The following CTTNBP2NL variants were observed in gnomAD, a reference collection of about 807,000 sequenced individuals.
CTTNBP2NL encodes the protein CTTNBP2 N-terminal-like protein.
In CTTNBP2NL, 16 loss-of-function variants were observed where a neutral mutation model predicts 32.5. That is an observed-to-expected ratio of 0.49 (90% CI 0.33 to 0.75). CTTNBP2NL has a LOEUF of 0.75. Among genes scored for constraint, CTTNBP2NL ranks in the 30% least tolerant of loss-of-function variants. The pLI is 0.02. For missense variants in CTTNBP2NL, 645 were observed against 756.0 expected, an observed-to-expected ratio of 0.85 and a Z score of 1.72; for synonymous variants, 298 against 289.4, an observed-to-expected ratio of 1.03 and a Z score of -0.30.
intron 1 of CTTNBP2NL, among the ~76,000 whole-genome samples, chr1:112,409,699 T>C (rs1257160560): frequency 6.6e-6 from 1 of 152,132 alleles, no homozygotes; most frequent in Non-Finnish European, 1.5e-5. Context: ...CTCTATATGG[T>C]AAAATGGCAG....
chr1:112,420,018 CTTTA>C (rs1310026187), intron 3 of CTTNBP2NL, among the ~76,000 whole-genome samples: 1 of 152,084 alleles, frequency 6.6e-6, no homozygotes, highest in Non-Finnish European at 1.5e-5. Context: ...GGGAGCAGAA[CTTTA>C]TTTAGGTTAC....
chr1:112,445,337 C>T (rs776037283), intron 3 of CTTNBP2NL, among the ~76,000 whole-genome samples: 1 of 152,174 alleles, frequency 6.6e-6, no homozygotes, highest in East Asian at 1.9e-4. Flanking sequence ...ATCATCATTA[C>T]ACACCCCCAT....
intron 3 of CTTNBP2NL, among the ~76,000 whole-genome samples, chr1:112,435,880 A>C (rs1312742781): frequency 6.6e-6 from 1 of 152,206 alleles, no homozygotes; most frequent in Non-Finnish European, 1.5e-5. Context: ...AGTATCAGAT[A>C]AAATAGTTCA....
intron 3 of CTTNBP2NL, among the ~76,000 whole-genome samples, chr1:112,431,976 G>A (rs939601030): frequency 9.9e-5 from 15 of 151,318 alleles, no homozygotes; most frequent in Admixed American, 3.9e-4. Context: ...AAATGGTCTG[G>A]AAGGATACCT....
At position 112,398,718 on chromosome 1, in the gene CTTNBP2NL, G is replaced by T. The variant is rs1648402991; in HGVS notation, c.-134+2446G>T. On this transcript the variant is annotated intron_variant, in intron 1 of 5. Coordinates refer to ENST00000271277, the MANE Select transcript of CTTNBP2NL (RefSeq NM_018704.3). ...CCTTGCTACTTGGGAGGCTGAGGCA[G>T]GAGGCTTGCTTGAGCCCAGGTGTTT... Among the ~76,000 whole-genome samples the T allele has an allele frequency of 2.0e-5, 3 of 151,470 alleles. No individual in the cohort carries two copies. The South Asian group carries it at 6.3e-4, about 32-fold the overall frequency.
At chr1:112,435,142 C>CAA (rs5777114) in intron 3 of CTTNBP2NL, among the ~76,000 whole-genome samples, 16,149 of 85,360 alleles carry the variant, frequency 0.19, 2,124 homozygotes, top group East Asian at 0.52. Flanking sequence ...GACTCTGTCT[C>CAA]AAAAAAAAAA....
chr1:112,440,904 C>T (rs1400358089), intron 3 of CTTNBP2NL, among the ~76,000 whole-genome samples: 2 of 127,260 alleles, frequency 1.6e-5, no homozygotes, highest in Admixed American at 8.4e-5. Context: ...GTGTTAACGT[C>T]TCTGTTGTTT....
Position 112,456,026 on chromosome 1 carries a change from C to T in CTTNBP2NL, c.534C>T (p.Leu178=), listed in dbSNP as rs1217804693. The part of the protein sequence containing the change: ...LEEERSRHKQ[L]SSMLVLECKK... ...AGGAGCGCTCCCGCCACAAGCAGCT[C>T]TCATCCATGCTAGTGCTTGAGTGCA... The change falls in exon 6 of 6, where the codon CTC becomes CTT. Residue 178 remains leucine, a synonymous_variant. Transcript: ENST00000271277. 6.2e-7 allele frequency: 1 copy of T among 1,614,150 alleles called. No homozygotes were observed. The highest frequency in any genetic ancestry group is 8.5e-7 in the Non-Finnish European group (1 of 1,180,014).
chr1:112,434,032 G>A (rs1013136963), intron 3 of CTTNBP2NL, among the ~76,000 whole-genome samples: 1 of 151,798 alleles, frequency 6.6e-6, no homozygotes, highest in Non-Finnish European at 1.5e-5. Context: ...GTGTGACTTC[G>A]TGTCTACACC....
intron 1 of CTTNBP2NL, among the ~76,000 whole-genome samples, chr1:112,404,243 T>G (rs926942545): frequency 6.6e-6 from 1 of 152,242 alleles, no homozygotes; most frequent in Non-Finnish European, 1.5e-5. Flanking sequence ...TTGCCAGGCT[T>G]GTTGTTGGAA....
chr1:112,420,263 A>T (rs774025369), intron 3 of CTTNBP2NL, among the ~76,000 whole-genome samples: 14 of 151,012 alleles, frequency 9.3e-5, no homozygotes, highest in Non-Finnish European at 2.1e-4. Context: ...CTCCTGTCTC[A>T]GCCTCCGAGT....
At chr1:112,442,648 T>C (rs2492530) in intron 3 of CTTNBP2NL, among the ~76,000 whole-genome samples, 1 of 151,654 alleles carries the variant, frequency 6.6e-6, no homozygotes, top group Non-Finnish European at 1.5e-5. Flanking sequence ...CACAGGACTC[T>C]GGAATTTGAA....
chr1:112,436,086 T>C (rs966499242), intron 3 of CTTNBP2NL, among the ~76,000 whole-genome samples: 4 of 149,610 alleles, frequency 2.7e-5, no homozygotes, highest in Admixed American at 6.8e-5. Context: ...TTTTTTGTCC[T>C]GTTTTATTGT....
chr1:112,429,431 G>A (rs1390200574), intron 3 of CTTNBP2NL, among the ~76,000 whole-genome samples: 1 of 152,194 alleles, frequency 6.6e-6, no homozygotes, highest in Non-Finnish European at 1.5e-5. Flanking sequence ...AGGATCACTT[G>A]AGGTCAGAAG....
intron 1 of CTTNBP2NL, among the ~76,000 whole-genome samples, chr1:112,397,261 T>C (rs1440376726): frequency 1.3e-5 from 2 of 152,144 alleles, no homozygotes; most frequent in African/African-American, 4.8e-5. Context: ...CAGTCTAGGG[T>C]GGGCTGGTCC....
At chr1:112,418,532 T>C (rs1649130898) in intron 3 of CTTNBP2NL, among the ~76,000 whole-genome samples, 2 of 152,132 alleles carry the variant, frequency 1.3e-5, no homozygotes, top group Admixed American at 1.3e-4. Context: ...TTAAATTTTA[T>C]TTAAAGTGGT....
intron 3 of CTTNBP2NL, among the ~76,000 whole-genome samples, chr1:112,447,934 CTT>C (rs947276525): frequency 6.6e-6 from 1 of 152,162 alleles, no homozygotes; most frequent in Non-Finnish European, 1.5e-5. Flanking sequence ...TCTCAAGAAA[CTT>C]TTAAATATCT....
chr1:112,403,920 G>C (rs1344754780), intron 1 of CTTNBP2NL, among the ~76,000 whole-genome samples: 3 of 152,336 alleles, frequency 2.0e-5, no homozygotes, highest in African/African-American at 4.8e-5. Flanking sequence ...GATAGACAAT[G>C]ATGACCCATT....
At position 112,455,983 on chromosome 1, in the gene CTTNBP2NL, T is replaced by C; in HGVS notation, c.491T>C (p.Leu164Pro). 1 of 1,608,124 alleles carries C rather than the reference T, an allele frequency of 6.2e-7. No homozygotes were observed. Among genetic ancestry groups the C allele is most frequent in the Non-Finnish European group, 8.5e-7 (1 of 1,178,552 alleles). The change falls in exon 6 of 6, where the codon CTC (leucine) becomes CCC (proline). Residue 164 changes from leucine (L) to proline (P), a missense_variant. By Grantham distance (98) the Leu-to-Pro change is moderately conservative. Coordinates refer to ENST00000271277, the MANE Select transcript of CTTNBP2NL (RefSeq NM_018704.3). ...AAGTTTGAAAAAGAACAGAAGAAGC[T>C]CTCTAGTCAGCTGGAAGAGGAGCGC... Reference protein sequence around the residue: ...VKKFEKEQKKLSSQLEEERSR... With the variant: ...VKKFEKEQKKPSSQLEEERSR...
Sources: gnomAD v4.1 joint callset for allele counts (sites outside exome capture counted in the v4.1 genomes callset) on GRCh38, gnomAD v4.1.1 for gene constraint, MANE v1.5 for transcripts, NCBI Gene and HGNC (gene_info 2026-07-23, HGNC 2026-07-21) for gene names.